STAT4: variants seen among roughly 807,000 people sequenced by gnomAD.
STAT4 encodes the protein signal transducer and activator of transcription 4.
Under a neutral mutation model 110.5 loss-of-function variants are expected in STAT4, and 42 were observed. That is an observed-to-expected ratio of 0.38 (90% CI 0.30 to 0.49). STAT4 has a LOEUF of 0.49. Ranked by LOEUF, STAT4 falls within the 20% of genes least tolerant of loss-of-function variation. The probability of loss-of-function intolerance (pLI) is 0.95; values close to 1 mark genes in which losing one functional copy is unlikely to be tolerated. For missense variants in STAT4, 632 were observed against 887.9 expected (o/e 0.71, Z 3.66); for synonymous variants, 284 against 302.2 (o/e 0.94, Z 0.63).
chr2:191,076,097 TC>T, intron 4 of STAT4, 129 bp downstream of exon 4: 1 of 699,004 alleles, frequency 1.4e-6, no homozygotes, highest in Non-Finnish European at 2.4e-6. Flanking sequence ...CAAATGATCC[TC>T]CCACCTTTGC....
rs919569663 is a variant in STAT4, at chr2:191,107,531, T to C, written c.274-31206A>G. Among the ~76,000 whole-genome samples, 1 of 152,210 alleles carries C rather than the reference T, an allele frequency of 6.6e-6. No homozygotes were observed. Among genetic ancestry groups the C allele is most frequent in the African/African-American group, 2.4e-5 (1 of 41,456 alleles). Reference sequence around the variant, plus strand: ...CAGGGGAGGCTGGGTTTATGTAACTTGCCCAAAATCATGTTGCTAATAAAT... The same window carrying C: ...CAGGGGAGGCTGGGTTTATGTAACTCGCCCAAAATCATGTTGCTAATAAAT... On this transcript the variant is annotated intron_variant, in intron 3 of 23. Coordinates refer to ENST00000392320, the MANE Select transcript of STAT4 (RefSeq NM_003151.4). The surrounding 1 kb of genome is among the most constrained non-coding windows in gnomAD (Gnocchi z 4.2).
intron 3 of STAT4, among the ~76,000 whole-genome samples, chr2:191,124,214 TG>T: frequency 6.6e-6 from 1 of 152,146 alleles, no homozygotes; most frequent in Non-Finnish European, 1.5e-5. Flanking sequence ...CCCAGCACCT[TG>T]GGACGCGGAG....
At chr2:191,034,321 G>A (rs1695985160) in intron 18 of STAT4, among the ~76,000 whole-genome samples, 2 of 151,918 alleles carry the variant, frequency 1.3e-5, no homozygotes, top group South Asian at 4.2e-4. Flanking sequence ...TAATCAGGAG[G>A]CTGAGGCAGG....
In STAT4 at chr2:191,058,096, T is replaced by A; in HGVS notation, c.1128A>T (p.Val376=). The change falls in exon 13 of 24, where the codon GTA becomes GTT. Residue 376 remains valine (V), a synonymous_variant. Coordinates refer to ENST00000392320, the MANE Select transcript of STAT4 (RefSeq NM_003151.4). This position sits in a 1 kb window ranked among gnomAD's most constrained non-coding sequence, Gnocchi z 4.3. ...NVSTLSNRRF[V]LCGTNVKAMS... ...TGGCTTTGACATTAGTTCCACAAAG[T>A]ACAAATCTTCGGTTGCTGGAGAGGA... The A allele has an allele frequency of 1.2e-6, 2 of 1,614,052 alleles. No homozygotes were observed. The highest frequency in any genetic ancestry group is 2.7e-5 in the African/African-American group (2 of 75,056).
chr2:191,059,852 G>A lies in STAT4; in HGVS notation c.1035-1083C>T, dbSNP rs968366612. On this transcript the variant is annotated intron_variant, in intron 10 of 23. Transcript: ENST00000392320. The surrounding 1 kb of genome is among the most constrained non-coding windows in gnomAD (Gnocchi z 4.7). ...TCATTGGTGGTGAATGGTGAGAAGGGGGCATAGTCACATAAAATCAGGCCA... is the reference window on the plus strand; with the variant it reads ...TCATTGGTGGTGAATGGTGAGAAGGAGGCATAGTCACATAAAATCAGGCCA... Among the ~76,000 whole-genome samples, 6 of 152,092 alleles carry A rather than the reference G, an allele frequency of 3.9e-5. No homozygotes were observed. Among genetic ancestry groups the A allele is most frequent in the African/African-American group, 9.7e-5 (4 of 41,398 alleles).
In STAT4 at chr2:191,050,740, G is replaced by T. The variant is rs534838767; in HGVS notation, c.1251+3750C>A. ...TTCCCCAACCCCCAGGGCAAATGGG[G>T]TTCCTGAGGTACCTCTTTGGCATCT... is the stretch of plus-strand genomic sequence containing the variant. On this transcript the variant is annotated intron_variant, in intron 14 of 23. Coordinates refer to ENST00000392320, the MANE Select transcript of STAT4 (RefSeq NM_003151.4). This position sits in a 1 kb window ranked among gnomAD's most constrained non-coding sequence, Gnocchi z 4.3. Among the ~76,000 whole-genome samples the T allele has an allele frequency of 6.6e-6, 1 of 152,282 alleles. No homozygotes were observed. Among genetic ancestry groups the T allele is most frequent in the Admixed American group, 6.5e-5 (1 of 15,300 alleles).
intron 3 of STAT4, among the ~76,000 whole-genome samples, chr2:191,128,814 G>A (rs1698954493): frequency 6.6e-6 from 1 of 152,188 alleles, no homozygotes; most frequent in Non-Finnish European, 1.5e-5. Flanking sequence ...CCAAAACGCT[G>A]AGCAGAGCTT....
At position 191,078,910 on chromosome 2, in the gene STAT4, G is replaced by A. The variant is rs3024835; in HGVS notation, c.274-2585C>T. On this transcript the variant is annotated intron_variant, in intron 3 of 23. Coordinates refer to ENST00000392320, the MANE Select transcript of STAT4 (RefSeq NM_003151.4). The stretch of plus-strand genomic sequence containing the variant: ...CATGGAGATTTTTCTTTGTGGTTTT[G>A]CACCATTGATTGTAATTAACTTGGA... Among the ~76,000 whole-genome samples, 824 of 152,112 alleles carry A rather than the reference G, an allele frequency of 5.4e-3. 7 individuals carry two copies. Among genetic ancestry groups the A allele is most frequent in the African/African-American group, 0.019 (781 of 41,514 alleles).
intron 4 of STAT4, 86 bp downstream of exon 4, chr2:191,076,141 A>G (rs1697310886): frequency 1.8e-6 from 2 of 1,124,086 alleles, no homozygotes; most frequent in Admixed American, 3.6e-5. Flanking sequence ...GGTGTGAGCC[A>G]CTGTACCCTA....
rs1697509986 is a variant in STAT4, at chr2:191,082,446, A to G, written c.274-6121T>C. On this transcript the variant is annotated intron_variant, in intron 3 of 23. Coordinates refer to ENST00000392320, the MANE Select transcript of STAT4 (RefSeq NM_003151.4). The surrounding 1 kb of genome is among the most constrained non-coding windows in gnomAD (Gnocchi z 4.7). ...ACATAATTCGATTGAAGTGACAACA[A>G]CATGATAGCTTTGACCCAGTTTCAC... Among the ~76,000 whole-genome samples the G allele has an allele frequency of 6.6e-6, 1 of 152,232 alleles. No individual in the cohort carries two copies. Among genetic ancestry groups the G allele is most frequent in the African/African-American group, 2.4e-5 (1 of 41,452 alleles).
At chr2:191,076,169 T>C (rs778346726) in intron 4 of STAT4, 58 bp downstream of exon 4, 3 of 1,405,468 alleles carry the variant, frequency 2.1e-6, no homozygotes, top group Non-Finnish European at 1.0e-6. Flanking sequence ...TAATAATTTC[T>C]GTTTCAGAAA....
At chr2:191,084,244 G>T (rs1385282230) in intron 3 of STAT4, among the ~76,000 whole-genome samples, 4 of 151,472 alleles carry the variant, frequency 2.6e-5, no homozygotes, top group Admixed American at 1.3e-4. Context: ...CCTGGGTGAC[G>T]GAGCAAGACT....
chr2:191,106,702 A>AAAAG, intron 3 of STAT4, among the ~76,000 whole-genome samples: 1 of 100,086 alleles, frequency 1.0e-5, no homozygotes, highest in Non-Finnish European at 2.3e-5. Context: ...TAAAATAAAA[A>AAAAG]AATGTACTCA....
chr2:191,034,060 T>C (rs1246723449), intron 18 of STAT4, 55 bp from the exon 19 acceptor site: 4 of 1,219,870 alleles, frequency 3.3e-6, no homozygotes, highest in Non-Finnish European at 2.3e-6. Context: ...ATAATGTTGA[T>C]ATAATAATTT....
intron 14 of STAT4, among the ~76,000 whole-genome samples, chr2:191,049,597 T>C (rs1696462801): frequency 6.6e-6 from 1 of 152,234 alleles, no homozygotes; most frequent in Non-Finnish European, 1.5e-5. Flanking sequence ...TTTATTGTAA[T>C]GTCCCCCATG....
chr2:191,064,764 T>C (rs1559050661), intron 8 of STAT4, 43 bp downstream of exon 8: 12 of 1,586,376 alleles, frequency 7.6e-6, no homozygotes, highest in Non-Finnish European at 1.0e-5. Flanking sequence ...AAGTTTTGTG[T>C]TTCCTGTGGT....
Position 191,040,969 on chromosome 2 carries a change from T to G in STAT4, c.1335+96A>C, listed in dbSNP as rs986276353. 7.2e-6 allele frequency: 5 copies of G among 692,064 alleles called. No individual in the cohort carries two copies. The African/African-American group carries it at 9.2e-5, about 13-fold the overall frequency. 42.9% of individuals were successfully genotyped at this position (692,064 alleles called of 1,614,324 possible). On this transcript the variant is annotated intron_variant, in intron 15 of 23. Transcript: ENST00000392320. ...AAAACAAAATAATGAATATGGAATG[T>G]ACTAAAACCTAGAAAAGACTGAGCT...
chr2:191,090,910 T>C lies in STAT4; in HGVS notation c.274-14585A>G, dbSNP rs115969275. The stretch of plus-strand genomic sequence containing the variant: ...CCGGCCTTAAACTACTTCTTAAAGG[T>C]ATCAAGTATGTCTTCTACAAGGTCT... On this transcript the variant is annotated intron_variant, in intron 3 of 23. Coordinates refer to ENST00000392320, the MANE Select transcript of STAT4 (RefSeq NM_003151.4). The surrounding 1 kb of genome is among the most constrained non-coding windows in gnomAD (Gnocchi z 4.2). 0.014 allele frequency among the ~76,000 whole-genome samples: 2,106 copies of C among 152,222 alleles called. 47 individuals are homozygous for C. The highest frequency in any genetic ancestry group is 0.048 in the African/African-American group (1,994 of 41,522).
In STAT4 at chr2:191,037,321, T is replaced by TA. The variant is rs535459373; in HGVS notation, c.1435-1023dup. ...TCTTTTCTTATTTGCTCTACATAATTAAAAAAAACAAAAACAGAGAAATGA... is the reference window on the plus strand; with the variant it reads ...TCTTTTCTTATTTGCTCTACATAATTAAAAAAAAACAAAAACAGAGAAATGA... On this transcript the variant is annotated intron_variant, in intron 16 of 23. Coordinates refer to ENST00000392320, the MANE Select transcript of STAT4 (RefSeq NM_003151.4). This position sits in a 1 kb window ranked among gnomAD's most constrained non-coding sequence, Gnocchi z 4.8. Among the ~76,000 whole-genome samples the TA allele has an allele frequency of 1.8e-3, 277 of 151,806 alleles. No homozygotes were observed. The highest frequency in any genetic ancestry group is 6.2e-3 in the African/African-American group (255 of 41,436).
Sources: allele counts gnomAD v4.1 joint callset (sites outside exome capture counted in the v4.1 genomes callset), GRCh38; gene constraint gnomAD v4.1.1; non-coding constraint Gnocchi (gnomAD v3.1); transcripts MANE v1.5; gene names NCBI Gene and HGNC (gene_info 2026-07-23, HGNC 2026-07-21).